PAK6: variants seen among roughly 807,000 people sequenced by gnomAD.
PAK6 encodes the protein serine/threonine-protein kinase PAK 6.
A neutral mutation model predicts 60.8 loss-of-function variants in PAK6; 33 were observed. The observed-to-expected ratio is 0.54, with a 90% CI of 0.41 to 0.73. The LOEUF is 0.73. Among genes scored for constraint, PAK6 ranks in the 30% least tolerant of loss-of-function variants. The pLI, the probability that PAK6 is intolerant of heterozygous loss-of-function variation, is 0.00. For missense variants in PAK6, 845 were observed against 904.1 expected, an observed-to-expected ratio of 0.93 and a Z score of 0.84; for synonymous variants, 404 against 378.5, an observed-to-expected ratio of 1.07 and a Z score of -0.78.
exon 6 of PAK6, chr15:40,272,703 G>A (rs777506021): frequency 6.9e-6 from 11 of 1,592,006 alleles, no homozygotes; most frequent in Non-Finnish European, 9.4e-6. Flanking sequence ...AGCAGCGCAG[G>A]GAGCTGCTCT....
intron 2 of PAK6, among the ~76,000 whole-genome samples, 173 bp downstream of exon 2, chr15:40,240,854 G>T (rs1234883254): frequency 6.6e-6 from 1 of 152,064 alleles, no homozygotes; most frequent in Non-Finnish European, 1.5e-5. Context: ...CAGATTGATT[G>T]TGAAACAGTC....
chr15:40,274,023 A>T, intron 9 of PAK6, 119 bp from the exon 10 acceptor site: 3 of 1,215,456 alleles, frequency 2.5e-6, no homozygotes, highest in Admixed American at 1.8e-5. Flanking sequence ...GAGGAAGGAG[A>T]CAGACCCACC....
At chr15:40,273,556 G>A (rs950240703) in exon 9 of PAK6, 2 of 1,613,976 alleles carry the variant, frequency 1.2e-6, no homozygotes, top group Admixed American at 3.3e-5. Flanking sequence ...CGCAGGTGAA[G>A]CTCTCGGACT....
chr15:40,258,889 A>C (rs1050496094), intron 3 of PAK6: 1 of 152,470 alleles, frequency 6.6e-6, no homozygotes, highest in Admixed American at 6.5e-5. Context: ...CAGTCCTCAC[A>C]CACGGCAGTG....
At chr15:40,259,091 G>A (rs1355416572) in intron 3 of PAK6, 1 of 152,284 alleles carries the variant, frequency 6.6e-6, no homozygotes, top group Non-Finnish European at 1.5e-5. Context: ...CTCTCTGAGG[G>A]GGAGTCCCCT....
intron 2 of PAK6, among the ~76,000 whole-genome samples, chr15:40,250,444 A>T (rs1203309290): frequency 6.6e-6 from 1 of 152,188 alleles, no homozygotes; most frequent in African/African-American, 2.4e-5. Flanking sequence ...ACTGACGGTT[A>T]TTCTTGAATA....
chr15:40,264,501 T>G (rs1329816490), intron 3 of PAK6: 1 of 572,518 alleles, frequency 1.7e-6, no homozygotes. Context: ...CCCCAGAGTC[T>G]GCCTGCTCCA....
At chr15:40,244,246 G>A (rs1384825549) in intron 2 of PAK6, among the ~76,000 whole-genome samples, 4 of 149,580 alleles carry the variant, frequency 2.7e-5, no homozygotes, top group Admixed American at 6.7e-5. Context: ...CAGGGGAATC[G>A]CTTGAACCCA....
chr15:40,273,988 C>G (rs1016968213), intron 9 of PAK6, 154 bp from the exon 10 acceptor site: 60 of 867,764 alleles, frequency 6.9e-5, no homozygotes, highest in Middle Eastern at 3.3e-4. Flanking sequence ...CAGGCAGTAA[C>G]TGGCCACAGG....
intron 5 of PAK6, among the ~76,000 whole-genome samples, 158 bp from the exon 6 acceptor site, chr15:40,272,066 G>A (rs1387534797): frequency 1.3e-5 from 2 of 152,182 alleles, no homozygotes; most frequent in Non-Finnish European, 2.9e-5. Flanking sequence ...CTTCAGCTCT[G>A]TCTGAAAATC....
chr15:40,277,027 CAG>C (rs1357021610), exon 11 of PAK6: 1 of 152,132 alleles, frequency 6.6e-6, no homozygotes, highest in Non-Finnish European at 1.5e-5. Context: ...TCGTGAGGGC[CAG>C]AGACAGGAAT....
chr15:40,266,130 A>G, exon 5 of PAK6: 1 of 1,610,034 alleles, frequency 6.2e-7, no homozygotes, highest in Non-Finnish European at 8.5e-7. Flanking sequence ...CGAGCCACAG[A>G]GCCCACGGGT....
At chr15:40,265,111 G>A (rs2039086082) in intron 4 of PAK6, 122 bp downstream of exon 4, 3 of 893,370 alleles carry the variant, frequency 3.4e-6, no homozygotes, top group Non-Finnish European at 5.0e-6. Flanking sequence ...TTAATCAGCT[G>A]TTTTAACTCC....
intron 3 of PAK6, among the ~76,000 whole-genome samples, chr15:40,263,242 G>T (rs2039030384): frequency 6.6e-6 from 1 of 152,220 alleles, no homozygotes; most frequent in South Asian, 2.1e-4. Context: ...AGATCTTCGG[G>T]CGGATGAGTA....
In PAK6 at chr15:40,272,044, A is replaced by G. The variant is rs1489393752; in HGVS notation, c.859-180A>G. Among the ~76,000 whole-genome samples, 3 of 152,164 alleles carry G rather than the reference A, an allele frequency of 2.0e-5. No individual in the cohort carries two copies. In the East Asian group the frequency reaches 5.8e-4, roughly 29 times the overall value. ...CCCTGCGGGGGACTGCTGGCACAGGACTGTGACTGGGCTTCAGCTCTGTCT... is the reference window on the plus strand; with the variant it reads ...CCCTGCGGGGGACTGCTGGCACAGGGCTGTGACTGGGCTTCAGCTCTGTCT... On this transcript the variant is annotated intron_variant, in intron 5 of 10. Coordinates refer to ENST00000560346, the Ensembl canonical transcript of PAK6.
At chr15:40,272,793 CTG>C in intron 6 of PAK6, 71 bp from the exon 7 acceptor site, 1 of 1,588,680 alleles carries the variant, frequency 6.3e-7, no homozygotes, top group Non-Finnish European at 8.6e-7. Flanking sequence ...GGCTGGACAT[CTG>C]TGAGCAGGGG....
chr15:40,264,609 C>T, intron 3 of PAK6, 172 bp from the exon 4 acceptor site: 1 of 644,802 alleles, frequency 1.6e-6, no homozygotes, highest in Non-Finnish European at 2.8e-6. Flanking sequence ...GACTGTTCTG[C>T]TGGGAGCCAG....
chr15:40,248,903 C>G (rs557242628), intron 2 of PAK6, among the ~76,000 whole-genome samples: 1 of 152,314 alleles, frequency 6.6e-6, no homozygotes, highest in Admixed American at 6.5e-5. Context: ...GCTTTGGGGT[C>G]GGATACACTT....
intron 3 of PAK6, chr15:40,259,914 G>A (rs956938115): frequency 1.3e-5 from 2 of 151,906 alleles, no homozygotes; most frequent in Non-Finnish European, 2.9e-5. Flanking sequence ...CCAGGTAAAT[G>A]GGACAACTAA....
Sources: allele counts gnomAD v4.1 joint callset (sites outside exome capture counted in the v4.1 genomes callset), GRCh38; gene constraint gnomAD v4.1.1; transcripts MANE v1.5; gene names NCBI Gene and HGNC (gene_info 2026-07-23, HGNC 2026-07-21).